Variants in TNIK observed in about 807,000 individuals in gnomAD.
TNIK encodes the protein TRAF2 and NCK interacting kinase, also known as TRAF2 and NCK-interacting protein kinase.
TNIK carries 49 observed loss-of-function variants against 191.3 expected under a neutral mutation model. The ratio of observed to expected loss-of-function variants is 0.26; its 90% CI spans 0.20 to 0.32. The LOEUF (loss-of-function observed/expected upper bound fraction) is 0.32, where lower values mean the gene tolerates loss of function less well. Ranked by LOEUF, TNIK falls within the 10% of genes least tolerant of loss-of-function variation. TNIK has a pLI of 1.00. For missense variants in TNIK, 1,155 were observed against 1,702.3 expected (o/e 0.68, Z 5.66); for synonymous variants, 594 against 600.9 (o/e 0.99, Z 0.17).
chr3:171,235,485 C>T (rs1161980801), intron 2 of TNIK, among the ~76,000 whole-genome samples: 1 of 152,136 alleles, frequency 6.6e-6, no homozygotes, highest in Non-Finnish European at 1.5e-5. Context: ...AGCACAATAG[C>T]CTTCCCTATC....
intron 2 of TNIK, among the ~76,000 whole-genome samples, chr3:171,356,633 AAGG>A (rs1714118246): frequency 6.6e-6 from 1 of 152,306 alleles, no homozygotes; most frequent in African/African-American, 2.4e-5. Flanking sequence ...CCAAACATTT[AAGG>A]AGATGTTATA....
chr3:171,228,289 T>C, intron 2 of TNIK, 68 bp from the exon 3 acceptor site: 2 of 1,584,732 alleles, frequency 1.3e-6, no homozygotes, highest in Non-Finnish European at 1.7e-6. Flanking sequence ...ATTCCAACAA[T>C]AAAGAAAAAT....
At chr3:171,308,545 C>T (rs1753698698) in intron 2 of TNIK, among the ~76,000 whole-genome samples, 1 of 152,016 alleles carries the variant, frequency 6.6e-6, no homozygotes, top group Non-Finnish European at 1.5e-5. Flanking sequence ...TCAAACAAAA[C>T]CAAAAATTAA....
chr3:171,203,728 A>T (rs1341154650), intron 4 of TNIK, among the ~76,000 whole-genome samples: 1 of 152,202 alleles, frequency 6.6e-6, no homozygotes, highest in Non-Finnish European at 1.5e-5. Context: ...GTAGAATCCA[A>T]ATGCCAGACA....
At chr3:171,455,622 GGA>G (rs1287901228) in intron 1 of TNIK, among the ~76,000 whole-genome samples, 3 of 152,110 alleles carry the variant, frequency 2.0e-5, no homozygotes, top group Non-Finnish European at 4.4e-5. Flanking sequence ...CTTAACCATG[GGA>G]TAGCATATTT....
chr3:171,079,769 G>T, intron 27 of TNIK, 117 bp from the exon 28 acceptor site: 2 of 1,231,694 alleles, frequency 1.6e-6, no homozygotes, highest in Non-Finnish European at 2.2e-6. Flanking sequence ...GTGTATGAAG[G>T]CATAATAACC....
At chr3:171,408,311 T>C (rs1721967272) in intron 1 of TNIK, among the ~76,000 whole-genome samples, 2 of 152,190 alleles carry the variant, frequency 1.3e-5, no homozygotes, top group Admixed American at 6.5e-5. Context: ...CTTTTATTTA[T>C]GGAAGCCCTG....
intron 1 of TNIK, among the ~76,000 whole-genome samples, chr3:171,440,670 A>C (rs1447332586): frequency 1.3e-5 from 2 of 152,248 alleles, no homozygotes; most frequent in Non-Finnish European, 2.9e-5. Context: ...ACAAGGATAC[A>C]CAAAACATAG....
chr3:171,111,225 C>G (rs1478050207), intron 18 of TNIK, among the ~76,000 whole-genome samples: 1 of 152,044 alleles, frequency 6.6e-6, no homozygotes, highest in African/African-American at 2.4e-5. Context: ...AGTTCAAGAC[C>G]AGCCTGGGCA....
chr3:171,224,467 C>CA (rs373039796), intron 3 of TNIK, among the ~76,000 whole-genome samples: 3,501 of 146,592 alleles, frequency 0.024, 116 homozygotes, highest in African/African-American at 0.08. Flanking sequence ...ACAGGGTTAT[C>CA]AAAAAAAAAA....
intron 1 of TNIK, among the ~76,000 whole-genome samples, chr3:171,389,046 A>AACAAATTCCC (rs1719109900): frequency 6.6e-6 from 1 of 152,172 alleles, no homozygotes; most frequent in South Asian, 2.1e-4. Context: ...TAATCCTGAC[A>AACAAATTCCC]TGAACTCTCT....
intron 22 of TNIK, among the ~76,000 whole-genome samples, chr3:171,096,778 A>G (rs1722781849): frequency 6.6e-6 from 1 of 152,224 alleles, no homozygotes; most frequent in African/African-American, 2.4e-5. Context: ...TTCAGTGCCA[A>G]GCATGGTGCC....
chr3:171,319,566 G>A (rs1441545258), intron 2 of TNIK, among the ~76,000 whole-genome samples: 1 of 152,134 alleles, frequency 6.6e-6, no homozygotes, highest in Non-Finnish European at 1.5e-5. Flanking sequence ...GGTTGGCTAG[G>A]AGGTTAGTTG....
At chr3:171,392,228 T>C (rs1020143537) in intron 1 of TNIK, among the ~76,000 whole-genome samples, 2 of 152,048 alleles carry the variant, frequency 1.3e-5, no homozygotes, top group South Asian at 2.1e-4. Context: ...GTGATACAAA[T>C]GACAATAAGA....
chr3:171,212,569 A>T (rs74479253), intron 3 of TNIK, among the ~76,000 whole-genome samples: 6,830 of 152,188 alleles, frequency 0.045, 215 homozygotes, highest in Non-Finnish European at 0.069. Flanking sequence ...AGCCCCGTGA[A>T]TCATCATGTA....
At chr3:171,228,008 G>A (rs1025701845) in intron 3 of TNIK, among the ~76,000 whole-genome samples, 157 bp downstream of exon 3, 4 of 152,178 alleles carry the variant, frequency 2.6e-5, no homozygotes, top group African/African-American at 9.7e-5. Flanking sequence ...TTTAAGGTAG[G>A]CTAGGCTAAG....
chr3:171,279,819 G>A (rs1047379388), intron 2 of TNIK, among the ~76,000 whole-genome samples: 13 of 152,124 alleles, frequency 8.5e-5, no homozygotes, highest in African/African-American at 3.1e-4. Flanking sequence ...ATTACAGAGA[G>A]ATTATTTAAA....
chr3:171,077,083 T>C (rs530107171), intron 28 of TNIK, among the ~76,000 whole-genome samples: 65 of 136,436 alleles, frequency 4.8e-4, no homozygotes, highest in African/African-American at 1.7e-3. Context: ...CCCCCCCCCT[T>C]TTTTTTTATA....
intron 1 of TNIK, among the ~76,000 whole-genome samples, chr3:171,444,211 T>C (rs1727190828): frequency 6.6e-6 from 1 of 152,194 alleles, no homozygotes; most frequent in Non-Finnish European, 1.5e-5. Flanking sequence ...GTGGATTAAA[T>C]AGCAACATGG....
Sources: allele counts gnomAD v4.1 joint callset (sites outside exome capture counted in the v4.1 genomes callset), GRCh38; gene constraint gnomAD v4.1.1; transcripts MANE v1.5; gene names NCBI Gene and HGNC (gene_info 2026-07-23, HGNC 2026-07-21).